Variants in HIPK3 observed in about 807,000 individuals in gnomAD.
HIPK3 encodes the protein homeodomain interacting protein kinase 3.
A neutral mutation model predicts 124.2 loss-of-function variants in HIPK3; 47 were observed. The ratio of observed to expected loss-of-function variants is 0.38; its 90% CI spans 0.30 to 0.48. The LOEUF (loss-of-function observed/expected upper bound fraction) is 0.48, where lower values mean the gene tolerates loss of function less well. HIPK3 is among the 20% of genes least tolerant of loss of function. HIPK3 has a pLI of 0.98. For synonymous variants in HIPK3, 482 were observed against 515.2 expected (o/e 0.94, Z 0.87); for missense variants, 1,286 against 1,454.3 (o/e 0.88, Z 1.88).
At chr11:33,328,400 A>T in intron 2 of HIPK3, 110 bp from the exon 3 acceptor site, 2 of 1,024,628 alleles carry the variant, frequency 2.0e-6, no homozygotes, top group Non-Finnish European at 2.9e-6. Context: ...GAGTTCCTAT[A>T]CATAGAATGT....
chr11:33,307,791 T>C (rs1405823556), intron 2 of HIPK3, among the ~76,000 whole-genome samples: 1 of 151,796 alleles, frequency 6.6e-6, no homozygotes, highest in African/African-American at 2.4e-5. Flanking sequence ...AGTGAGACAG[T>C]GAGTGATTTT....
chr11:33,339,381 ATC>A lies in HIPK3; in HGVS notation c.1462_1463del (p.Leu488PhefsTer3). The A allele has an allele frequency of 6.2e-7, 1 of 1,613,578 alleles. No homozygotes were observed. The highest frequency in any genetic ancestry group is 8.5e-7 in the Non-Finnish European group (1 of 1,179,634). On this transcript the variant is annotated frameshift_variant, in exon 6 of 17. Transcript: ENST00000303296. LOFTEE classifies it high-confidence loss of function. ...ACAGTGATGGATTTGGAAGGAAGTG[ATC>A]TTTTGGCTGAGAAAGCTGATAGAAG...
chr11:33,263,313 T>TTTAA (rs1196144653), intron 1 of HIPK3, among the ~76,000 whole-genome samples: 3 of 152,164 alleles, frequency 2.0e-5, no homozygotes, highest in African/African-American at 7.2e-5. Context: ...TGAAATCTGC[T>TTTAA]TTAATTAATT....
At chr11:33,280,762 A>G (rs932151085) in intron 1 of HIPK3, among the ~76,000 whole-genome samples, 2 of 152,206 alleles carry the variant, frequency 1.3e-5, no homozygotes, top group Admixed American at 6.5e-5. Context: ...AAATTTCTCT[A>G]TGTCAGTTAT....
intron 2 of HIPK3, among the ~76,000 whole-genome samples, chr11:33,290,381 T>C (rs757195642): frequency 6.6e-6 from 1 of 152,080 alleles, no homozygotes; most frequent in Non-Finnish European, 1.5e-5. Flanking sequence ...AATTGTAAAA[T>C]CTTATTTAAC....
rs112993351 is a variant in HIPK3 at position 33,347,334 on chromosome 11, A to T, written c.1939A>T (p.Arg647Trp). 1.2e-6 allele frequency: 2 copies of T among 1,613,580 alleles called. No individual in the cohort carries two copies. Among genetic ancestry groups the T allele is most frequent in the African/African-American group, 1.3e-5 (1 of 75,048 alleles). Residue 647 changes from arginine (R) to tryptophan (W), a missense_variant, in exon 9 of 17, where the codon AGG becomes TGG. Arg to Trp is a moderately radical substitution (Grantham distance 101, BLOSUM62 -3). Coordinates refer to ENST00000303296, the MANE Select transcript of HIPK3 (RefSeq NM_005734.5). ...THGKPTSYSI[R>W]VDNTVPLVTQ... is the part of the protein sequence containing the mutation. ...TGGTAAACCCACCAGTTATTCAATAAGGGTAGATAATACAGTTCCACTTGT... is the reference window on the plus strand; with the variant it reads ...TGGTAAACCCACCAGTTATTCAATATGGGTAGATAATACAGTTCCACTTGT...
At chr11:33,299,134 A>G (rs1191567751) in intron 2 of HIPK3, among the ~76,000 whole-genome samples, 1 of 150,536 alleles carries the variant, frequency 6.6e-6, no homozygotes, top group African/African-American at 2.4e-5. Context: ...GGTGTGAGCC[A>G]CTGTGCCTGG....
intron 2 of HIPK3, among the ~76,000 whole-genome samples, chr11:33,325,613 G>C (rs757247332): frequency 1.3e-5 from 2 of 152,076 alleles, no homozygotes; most frequent in Non-Finnish European, 2.9e-5. Flanking sequence ...GTATTTGAAG[G>C]CCTAGTCCAA....
chr11:33,281,524 G>T (rs1851411784), intron 1 of HIPK3, among the ~76,000 whole-genome samples: 1 of 152,146 alleles, frequency 6.6e-6, no homozygotes, highest in Non-Finnish European at 1.5e-5. Flanking sequence ...CTTGGAACAG[G>T]TGATACATGT....
rs948848702 is a variant in HIPK3 at position 33,354,390 on chromosome 11, T to C, written c.*822T>C. On this transcript the variant is annotated 3_prime_UTR_variant, in exon 17 of 17. Coordinates refer to ENST00000303296, the MANE Select transcript of HIPK3 (RefSeq NM_005734.5). ...TAGTGCTTAAGAAAAATTGATTCAGTATCTAATGGATAGTTGATAACTGTC... is the reference window on the plus strand; with the variant it reads ...TAGTGCTTAAGAAAAATTGATTCAGCATCTAATGGATAGTTGATAACTGTC... The C allele has an allele frequency of 2.6e-5, 4 of 152,656 alleles. No homozygotes were observed. The highest frequency in any genetic ancestry group is 1.9e-4 in the East Asian group (1 of 5,198). 9.5% of individuals were successfully genotyped at this position (152,656 alleles called of 1,614,324 possible).
At chr11:33,259,879 A>G (rs1039328391) in intron 1 of HIPK3, among the ~76,000 whole-genome samples, 2 of 150,058 alleles carry the variant, frequency 1.3e-5, no homozygotes, top group African/African-American at 2.5e-5. Context: ...GTAAAAAAGT[A>G]AGATGAGTTT....
At chr11:33,294,173 C>T (rs554946700) in intron 2 of HIPK3, among the ~76,000 whole-genome samples, 7 of 145,868 alleles carry the variant, frequency 4.8e-5, no homozygotes, top group East Asian at 2.0e-4. Flanking sequence ...AAAAAAAAAA[C>T]GTAGTTGGAG....
At chr11:33,347,451 G>A in intron 9 of HIPK3, 37 bp downstream of exon 9, 1 of 1,611,046 alleles carries the variant, frequency 6.2e-7, no homozygotes, top group Non-Finnish European at 8.5e-7. Flanking sequence ...ATATCAGCTT[G>A]TGCTTTTGGG....
rs1853238620 is a variant in HIPK3, at chr11:33,338,747, A to T, written c.1342-10A>T. The T allele has an allele frequency of 1.3e-6, 2 of 1,569,710 alleles. No homozygotes were observed. Among genetic ancestry groups the T allele is most frequent in the Admixed American group, 1.7e-5 (1 of 59,100 alleles). On this transcript the variant is annotated splice_polypyrimidine_tract_variant and intron_variant, in intron 4 of 16. Coordinates refer to ENST00000303296, the MANE Select transcript of HIPK3 (RefSeq NM_005734.5). ...ATGTATTCTTTTTTCCCTTTGATAT[A>T]TGCAATAAGACATTGGAAGAGCATG...
intron 2 of HIPK3, among the ~76,000 whole-genome samples, chr11:33,297,222 T>C (rs1565070882): frequency 6.6e-6 from 1 of 151,766 alleles, no homozygotes; most frequent in Non-Finnish European, 1.5e-5. Flanking sequence ...GCCTCCCGAG[T>C]AGCTGGGATT....
At chr11:33,280,658 G>A (rs1210590575) in intron 1 of HIPK3, among the ~76,000 whole-genome samples, 1 of 152,188 alleles carries the variant, frequency 6.6e-6, no homozygotes, top group Non-Finnish European at 1.5e-5. Context: ...CCAAACCCTG[G>A]TTGGAGCCCT....
intron 1 of HIPK3, among the ~76,000 whole-genome samples, chr11:33,260,169 T>C (rs983376842): frequency 2.6e-5 from 4 of 152,210 alleles, no homozygotes; most frequent in African/African-American, 9.6e-5. Context: ...CTGTAGATCA[T>C]ACTCTTAACT....
chr11:33,271,030 G>A (rs1851110545), intron 1 of HIPK3, among the ~76,000 whole-genome samples: 1 of 151,960 alleles, frequency 6.6e-6, no homozygotes, highest in African/African-American at 2.4e-5. Flanking sequence ...TGATTTTATG[G>A]CAAAATACTT....
chr11:33,267,662 A>G (rs988895306), intron 1 of HIPK3, among the ~76,000 whole-genome samples: 1 of 151,518 alleles, frequency 6.6e-6, no homozygotes, highest in Non-Finnish European at 1.5e-5. Context: ...CCCAGCTAAA[A>G]TCTTTTTGTA....
Sources: allele counts gnomAD v4.1 joint callset (sites outside exome capture counted in the v4.1 genomes callset), GRCh38; gene constraint gnomAD v4.1.1; transcripts MANE v1.5; gene names NCBI Gene and HGNC (gene_info 2026-07-23, HGNC 2026-07-21).